Variants in CHORDC1 observed in about 807,000 individuals in gnomAD.
CHORDC1 encodes cysteine and histidine-rich domain-containing protein 1.
Under a neutral mutation model 48.3 loss-of-function variants are expected in CHORDC1, and 25 were observed. The observed-to-expected ratio is 0.52, with a 90% CI of 0.38 to 0.72. The LOEUF (loss-of-function observed/expected upper bound fraction) is 0.72, where lower values mean the gene tolerates loss of function less well. Among genes scored for constraint, CHORDC1 ranks in the 30% least tolerant of loss-of-function variants. CHORDC1 has a pLI of 0.00. For synonymous variants in CHORDC1, 128 were observed against 126.4 expected (o/e 1.01, Z -0.09); for missense variants, 317 against 388.7 (o/e 0.82, Z 1.55).
intron 1 of CHORDC1, chr11:90,222,461 C>G (rs1255847206): frequency 2.7e-6 from 1 of 365,856 alleles, no homozygotes; most frequent in African/African-American, 2.2e-5. Context: ...TCCCGGCCAC[C>G]TCTCCCTCTC....
At chr11:90,208,443 C>T (rs1057048237) in intron 6 of CHORDC1, 1 of 151,838 alleles carries the variant, frequency 6.6e-6, no homozygotes, top group African/African-American at 2.4e-5. Flanking sequence ...AAAGAATGTT[C>T]ATAATAGCAT....
At chr11:90,222,254 C>T (rs187365726) in intron 1 of CHORDC1, among the ~76,000 whole-genome samples, 143 of 152,252 alleles carry the variant, frequency 9.4e-4, no homozygotes, top group African/African-American at 3.4e-3. Flanking sequence ...GTGGAGGCCA[C>T]AAGAAGAACA....
At chr11:90,219,094 C>T (rs928527991) in intron 1 of CHORDC1, among the ~76,000 whole-genome samples, 4 of 151,918 alleles carry the variant, frequency 2.6e-5, no homozygotes, top group African/African-American at 9.7e-5. Flanking sequence ...GGTGAAACCC[C>T]GTGTCTACTA....
chr11:90,218,297 C>T, intron 1 of CHORDC1, 113 bp from the exon 2 acceptor site: 2 of 692,220 alleles, frequency 2.9e-6, no homozygotes, highest in Non-Finnish European at 2.3e-6. Context: ...AACGCAAGTA[C>T]CTTAAAAAGG....
chr11:90,204,183 GATACTTA>G (rs1857610135), intron 8 of CHORDC1, among the ~76,000 whole-genome samples: 3 of 151,920 alleles, frequency 2.0e-5, no homozygotes, highest in South Asian at 2.1e-4. Flanking sequence ...TACTAGCTTA[GATACTTA>G]ATACTTGATA....
intron 2 of CHORDC1, chr11:90,217,755 C>G (rs1858050935): frequency 6.5e-6 from 1 of 154,328 alleles, no homozygotes; most frequent in Non-Finnish European, 1.4e-5. Flanking sequence ...CAAAAATTAG[C>G]TGGGCATGGT....
chr11:90,222,597 C>T (rs745911388), intron 1 of CHORDC1: 2 of 630,926 alleles, frequency 3.2e-6, no homozygotes, highest in East Asian at 3.3e-5. Context: ...AAATTCCAGG[C>T]GACTTAAAAG....
chr11:90,216,824 TGTAAGAGCCATCG>T (rs1306181802), intron 2 of CHORDC1, among the ~76,000 whole-genome samples: 1 of 152,116 alleles, frequency 6.6e-6, no homozygotes, highest in Admixed American at 6.5e-5. Flanking sequence ...AGAAATATGT[TGTAAGAGCCATCG>T]GCGTAGAGGT....
Position 90,217,884 on chromosome 11 carries a change from A to C in CHORDC1, c.114+251T>G, listed in dbSNP as rs538113344. ...TGCACTCCACCTGGGCAACACAGTG[A>C]AACTCCATCTCAAAAAAAAAAAAAA... On this transcript the variant is annotated intron_variant, in intron 2 of 10. Transcript: ENST00000320585. 6.4e-4 allele frequency: 128 copies of C among 199,376 alleles called. 4 individuals are homozygous for C. The South Asian group carries it at 0.017, about 26-fold the overall frequency. The allele number at this position is 199,376 out of a possible 1,614,324, so 12.4% of individuals were successfully genotyped here. A position where few individuals can be genotyped will look rare whatever the true frequency, so the allele number is the denominator to read the frequency against.
intron 6 of CHORDC1, among the ~76,000 whole-genome samples, chr11:90,210,053 G>A (rs11018916): frequency 0.43 from 64,915 of 151,974 alleles, 14,358 homozygotes; most frequent in East Asian, 0.59. Context: ...ACTGCATCCA[G>A]AACACTCTTC....
At chr11:90,206,370 A>G (rs976206316) in intron 6 of CHORDC1, 98 bp from the exon 7 acceptor site, 1 of 697,860 alleles carries the variant, frequency 1.4e-6, no homozygotes, top group African/African-American at 1.8e-5. Context: ...ACTTTGCAAA[A>G]TACTTAAATG....
chr11:90,201,417 A>C lies in CHORDC1; in HGVS notation c.*988T>G, dbSNP rs982330503. 10 of 151,874 alleles carry C rather than the reference A, an allele frequency of 6.6e-5. No individual in the cohort carries two copies. Among genetic ancestry groups the C allele is most frequent in the Non-Finnish European group, 1.5e-4 (10 of 67,852 alleles). 9.4% of individuals were successfully genotyped at this position (151,874 alleles called of 1,614,324 possible). On this transcript the variant is annotated 3_prime_UTR_variant, in exon 11 of 11. Transcript: ENST00000320585. ...TCAACATTGTATCACTAGAATTGTG[A>C]AGCTCTTCATGACTTTAAAAAAAAA... is the stretch of plus-strand genomic sequence containing the variant.
Position 90,214,162 on chromosome 11 carries a change from C to G in CHORDC1, c.185G>C (p.Gly62Ala), listed in dbSNP as rs1354346148. The change falls in exon 4 of 11, where the codon GGT (glycine) becomes GCT (alanine). Residue 62 changes from glycine (G) to alanine (A), a missense_variant. By Grantham distance (60) the Gly-to-Ala change is moderately conservative. Coordinates refer to ENST00000320585, the MANE Select transcript of CHORDC1 (RefSeq NM_012124.3). ...DFLSIVGCTK[G>A]RHNSEKPPEP... ...AGGTGGCTTCTCACTATTATGTCTA[C>G]CTTTTGTACAGCCCTGTTAGTGAAA... The G allele has an allele frequency of 6.2e-7, 1 of 1,610,156 alleles. No individual in the cohort carries two copies. The highest frequency in any genetic ancestry group is 1.3e-5 in the African/African-American group (1 of 74,726).
Position 90,206,266 on chromosome 11 carries a change from G to C in CHORDC1, c.499C>G (p.Gln167Glu). The change falls in exon 7 of 11, where the codon CAG (glutamine) becomes GAG (glutamate). Residue 167 changes from glutamine (Q) to glutamate (E), a missense_variant. Transcript: ENST00000320585. Reference protein sequence around the residue: ...CKNGGCSKTYQGLESLEEVCV... With the variant: ...CKNGGCSKTYEGLESLEEVCV... ...ACTTCTTCTAGACTCTCTAGACCCT[G>C]GTATGTCTAAAAAGGAAACAAAGAG... The C allele has an allele frequency of 6.5e-7, 1 of 1,549,842 alleles. No homozygotes were observed. Among genetic ancestry groups the C allele is most frequent in the Middle Eastern group, 1.7e-4 (1 of 5,910 alleles).
At chr11:90,218,972 A>C (rs1282765278) in intron 1 of CHORDC1, among the ~76,000 whole-genome samples, 1 of 151,502 alleles carries the variant, frequency 6.6e-6, no homozygotes, top group African/African-American at 2.4e-5. Flanking sequence ...AAAAAAAAAA[A>C]AATAGAAGTC....
chr11:90,207,779 C>CAAAAAAAAAAAAAAAAAAA (rs1231587858), intron 6 of CHORDC1: 1 of 91,306 alleles, frequency 1.1e-5, no homozygotes, highest in African/African-American at 4.1e-5. Flanking sequence ...AAAAAAAAAA[C>CAAAAAAAAAAAAAAAAAAA]AAAAAAAACT....
chr11:90,201,155 T>C lies in CHORDC1; in HGVS notation c.*1250A>G, dbSNP rs1463163582. The C allele has an allele frequency of 6.6e-6, 1 of 152,002 alleles. No individual in the cohort carries two copies. Among genetic ancestry groups the C allele is most frequent in the East Asian group, 1.9e-4 (1 of 5,190 alleles). The allele number at this position is 152,002 out of a possible 1,614,324, so 9.4% of individuals were successfully genotyped here. On this transcript the variant is annotated 3_prime_UTR_variant, in exon 11 of 11. Transcript: ENST00000320585. ...AATAGTACTTCTGCAAATTTTTCTT[T>C]GTAAGAATTCCATAAATACCAAGGA...
chr11:90,209,630 G>A (rs1410248352), intron 6 of CHORDC1, among the ~76,000 whole-genome samples: 1 of 152,106 alleles, frequency 6.6e-6, no homozygotes, highest in Non-Finnish European at 1.5e-5. Context: ...AAAAAGGAGA[G>A]GGAGAAGAAA....
At chr11:90,207,371 T>G (rs894263998) in intron 6 of CHORDC1, 2 of 152,338 alleles carry the variant, frequency 1.3e-5, no homozygotes, top group Non-Finnish European at 2.9e-5. Flanking sequence ...TCCAGGTCAT[T>G]TACATATTTA....
Sources: gnomAD v4.1 joint callset for allele counts (sites outside exome capture counted in the v4.1 genomes callset) on GRCh38, gnomAD v4.1.1 for gene constraint, MANE v1.5 for transcripts, NCBI Gene and HGNC (gene_info 2026-07-23, HGNC 2026-07-21) for gene names.